The following CFAP299 variants were observed in gnomAD, a reference collection of about 807,000 sequenced individuals.
The protein encoded by CFAP299 is cilia and flagella associated protein 299.
CFAP299 carries 21 observed loss-of-function variants against 27.0 expected under a neutral mutation model. The ratio of observed to expected loss-of-function variants is 0.78; its 90% CI spans 0.55 to 1.12. CFAP299 has a LOEUF of 1.12. Ranked by LOEUF, CFAP299 falls within the 50% of genes most tolerant of loss-of-function variation. CFAP299 has a pLI of 0.00. For missense variants in CFAP299, 310 were observed against 276.6 expected, an observed-to-expected ratio of 1.12 and a Z score of -0.86; for synonymous variants, 104 against 98.1, an observed-to-expected ratio of 1.06 and a Z score of -0.36.
intron 3 of CFAP299, among the ~76,000 whole-genome samples, chr4:80,809,132 G>A (rs925784355): frequency 6.6e-6 from 1 of 152,072 alleles, no homozygotes; most frequent in Non-Finnish European, 1.5e-5. Flanking sequence ...TTTATAGCTG[G>A]GGCTATCTAA....
At chr4:80,504,953 A>G (rs1731945224) in intron 2 of CFAP299, among the ~76,000 whole-genome samples, 1 of 148,588 alleles carries the variant, frequency 6.7e-6, no homozygotes, top group Non-Finnish European at 1.5e-5. Context: ...CAGGTAGAGT[A>G]TATGTTCATC....
intron 3 of CFAP299, among the ~76,000 whole-genome samples, chr4:80,773,652 C>G (rs1240014103): frequency 6.6e-6 from 1 of 151,706 alleles, no homozygotes; most frequent in African/African-American, 2.4e-5. Context: ...ATTATCAGAG[C>G]CTTGTTATGT....
chr4:80,856,288 A>T lies in CFAP299; in HGVS notation c.334-13705A>T, dbSNP rs76015693. Among the ~76,000 whole-genome samples the T allele has an allele frequency of 5.9e-3, 751 of 127,486 alleles. 1 individual carries two copies. Among genetic ancestry groups the T allele is most frequent in the Middle Eastern group, 0.017 (4 of 230 alleles). The allele number at this position is 127,486 out of a possible 152,430, so 83.6% of individuals were successfully genotyped here. On this transcript the variant is annotated intron_variant, in intron 3 of 5. Transcript: ENST00000358105. ...TTGTAAATTTGTTTGAGTTCAGTGT[A>T]GATTCTGGATATTAGCCCTTTGTCA...
chr4:80,543,036 G>A (rs536931433), intron 2 of CFAP299, among the ~76,000 whole-genome samples: 1 of 152,212 alleles, frequency 6.6e-6, no homozygotes, highest in African/African-American at 2.4e-5. Flanking sequence ...GGTACCAGGG[G>A]ACAAAGTTAC....
chr4:80,647,394 G>C (rs1243180283), intron 3 of CFAP299, among the ~76,000 whole-genome samples: 1 of 152,158 alleles, frequency 6.6e-6, no homozygotes, highest in African/African-American at 2.4e-5. Context: ...AAGTAGTAAG[G>C]TGATATCCTA....
chr4:80,590,935 A>G (rs1345057191), intron 3 of CFAP299, among the ~76,000 whole-genome samples: 1 of 151,844 alleles, frequency 6.6e-6, no homozygotes, highest in Non-Finnish European at 1.5e-5. Context: ...AATATGGGAG[A>G]ATGTTAAGAT....
intron 3 of CFAP299, among the ~76,000 whole-genome samples, chr4:80,775,650 A>C (rs1726493428): frequency 6.6e-6 from 1 of 152,038 alleles, no homozygotes; most frequent in Non-Finnish European, 1.5e-5. Flanking sequence ...AGAACACTAA[A>C]AGTATGAAAA....
At chr4:80,459,254 T>C (rs531216786) in intron 2 of CFAP299, among the ~76,000 whole-genome samples, 60 of 152,284 alleles carry the variant, frequency 3.9e-4, no homozygotes, top group African/African-American at 1.4e-3. Context: ...CCTCCCAAAG[T>C]GCTAGAATTA....
intron 2 of CFAP299, among the ~76,000 whole-genome samples, chr4:80,511,992 A>G (rs1222426528): frequency 6.6e-6 from 1 of 152,138 alleles, no homozygotes; most frequent in Admixed American, 6.6e-5. Flanking sequence ...TTATTAATCA[A>G]CTTTTATAAG....
chr4:80,655,847 T>G (rs1740527644), intron 3 of CFAP299, among the ~76,000 whole-genome samples: 1 of 152,148 alleles, frequency 6.6e-6, no homozygotes, highest in African/African-American at 2.4e-5. Context: ...TTCACATATA[T>G]CACAAAGAAA....
intron 3 of CFAP299, among the ~76,000 whole-genome samples, chr4:80,716,620 T>C (rs1722501449): frequency 6.6e-6 from 1 of 152,100 alleles, no homozygotes; most frequent in Non-Finnish European, 1.5e-5. Flanking sequence ...TGATATATTT[T>C]GTAGCTTACT....
At chr4:80,383,246 G>C (rs1361187413) in intron 2 of CFAP299, among the ~76,000 whole-genome samples, 1 of 152,042 alleles carries the variant, frequency 6.6e-6, no homozygotes, top group Non-Finnish European at 1.5e-5. Flanking sequence ...ACTAGGCTTA[G>C]TACCTGGGTG....
intron 4 of CFAP299, among the ~76,000 whole-genome samples, chr4:80,915,900 A>C (rs1185623098): frequency 6.6e-6 from 1 of 152,030 alleles, no homozygotes; most frequent in African/African-American, 2.4e-5. Context: ...AATATATATT[A>C]GGTGTTTTAC....
At chr4:80,852,475 GATA>G (rs1194880149) in intron 3 of CFAP299, among the ~76,000 whole-genome samples, 1 of 152,084 alleles carries the variant, frequency 6.6e-6, no homozygotes, top group African/African-American at 2.4e-5. Flanking sequence ...AAAGTAATAA[GATA>G]ATAAGATAAA....
chr4:80,388,708 C>G, intron 2 of CFAP299: 1 of 763,570 alleles, frequency 1.3e-6, no homozygotes, highest in South Asian at 1.5e-5. Context: ...TAAAGATCAC[C>G]TGCACCATCT....
chr4:80,458,647 A>C (rs1169988598), intron 2 of CFAP299, among the ~76,000 whole-genome samples: 1 of 152,136 alleles, frequency 6.6e-6, no homozygotes, highest in Non-Finnish European at 1.5e-5. Context: ...TTCTGCATGG[A>C]AAGTCCCAAA....
intron 2 of CFAP299, among the ~76,000 whole-genome samples, chr4:80,410,338 C>T (rs968753707): frequency 7.9e-5 from 12 of 152,150 alleles, no homozygotes; most frequent in Non-Finnish European, 1.6e-4. Flanking sequence ...GGATGATTTG[C>T]GTGTCCTCCC....
chr4:80,459,424 A>G (rs1454255403), intron 2 of CFAP299, among the ~76,000 whole-genome samples: 2 of 152,170 alleles, frequency 1.3e-5, no homozygotes, highest in Non-Finnish European at 2.9e-5. Context: ...ACCTCACATC[A>G]AAGGTCAAAC....
chr4:80,438,862 T>C (rs144328466), intron 2 of CFAP299, among the ~76,000 whole-genome samples: 3,190 of 152,352 alleles, frequency 0.021, 58 homozygotes, highest in Admixed American at 0.061. Context: ...TTAAATATTT[T>C]ATGCTCCTCA....
Sources: allele counts gnomAD v4.1 joint callset (sites outside exome capture counted in the v4.1 genomes callset), GRCh38; gene constraint gnomAD v4.1.1; transcripts MANE v1.5; gene names NCBI Gene and HGNC (gene_info 2026-07-23, HGNC 2026-07-21).